Variants in DACH2 observed in about 807,000 individuals in gnomAD.
DACH2 encodes the protein dachshund family transcription factor 2, also known as dachshund homolog 2.
A neutral mutation model predicts 35.8 loss-of-function variants in DACH2; 17 were observed. The observed-to-expected ratio is 0.48, with a 90% CI of 0.33 to 0.71. The LOEUF (loss-of-function observed/expected upper bound fraction) is 0.71, where lower values mean the gene tolerates loss of function less well. Ranked by LOEUF, DACH2 falls within the 30% of genes least tolerant of loss-of-function variation. The probability of loss-of-function intolerance (pLI) is 0.02; values close to 1 mark genes in which losing one functional copy is unlikely to be tolerated. For missense variants in DACH2, 469 were observed against 472.7 expected (o/e 0.99, Z 0.07); for synonymous variants, 195 against 177.3 (o/e 1.10, Z -0.79).
chrX:86,220,789 TCCA>T (rs2032692670), intron 1 of DACH2, among the ~76,000 whole-genome samples: 2 of 112,005 alleles, frequency 1.8e-5, no homozygotes, highest in African/African-American at 6.5e-5. Flanking sequence ...TTGAAGAACC[TCCA>T]TACTGTTTTC....
At position 86,816,161 on chromosome X, in the gene DACH2, G is replaced by A. The variant is rs185949498; in HGVS notation, c.1750+62G>A. ...AATATGTGACCCCTGGGGATGAGGT[G>A]GGGATGAGGTGGGGATGAGCTTCTG... On this transcript the variant is annotated intron_variant, in intron 11 of 11. Coordinates refer to ENST00000373125, the MANE Select transcript of DACH2 (RefSeq NM_053281.3). 37 of 783,203 alleles carry A rather than the reference G, an allele frequency of 4.7e-5. No homozygotes were observed. In the African/African-American group the frequency reaches 7.3e-4, roughly 16 times the overall value. The allele number at this position is 783,203 out of a possible 1,213,427, so 64.5% of individuals were successfully genotyped here.
intron 2 of DACH2, among the ~76,000 whole-genome samples, chrX:86,474,258 G>A (rs1239539838): frequency 9.0e-6 from 1 of 111,681 alleles, no homozygotes; most frequent in Non-Finnish European, 1.9e-5. Context: ...ATATATTCTT[G>A]TTATTAATCC....
intron 1 of DACH2, chrX:86,305,175 T>C (rs1438650512): frequency 7.9e-6 from 1 of 126,756 alleles, no homozygotes; most frequent in Admixed American, 8.5e-5. Context: ...TCTATATCTC[T>C]CCTTCTGTAC....
intron 1 of DACH2, among the ~76,000 whole-genome samples, chrX:86,242,926 C>T (rs2147943593): frequency 9.0e-6 from 1 of 111,422 alleles, no homozygotes; most frequent in Admixed American, 9.5e-5. Flanking sequence ...TTTTCTGAGG[C>T]CTCATAGCCA....
intron 7 of DACH2, among the ~76,000 whole-genome samples, chrX:86,772,963 G>A (rs112278400): frequency 9.0e-6 from 1 of 111,444 alleles, no homozygotes; most frequent in African/African-American, 3.3e-5. Context: ...ATTCAATCAG[G>A]TGCTTCCGTG....
intron 1 of DACH2, among the ~76,000 whole-genome samples, chrX:86,224,861 T>A: frequency 9.0e-6 from 1 of 111,115 alleles, no homozygotes; most frequent in Non-Finnish European, 1.9e-5. Flanking sequence ...TGCTTTGTTG[T>A]TTCTAATGCA....
intron 1 of DACH2, among the ~76,000 whole-genome samples, chrX:86,326,129 G>T (rs192016827): frequency 2.7e-5 from 3 of 111,411 alleles, no homozygotes; most frequent in Non-Finnish European, 5.6e-5. Context: ...AGAATACAAT[G>T]CAAATGGCAC....
intron 1 of DACH2, among the ~76,000 whole-genome samples, chrX:86,242,774 C>T (rs2033194512): frequency 9.0e-6 from 1 of 111,336 alleles, no homozygotes; most frequent in Non-Finnish European, 1.9e-5. Flanking sequence ...GGATGGGTTT[C>T]TCCCTAGTTG....
chrX:86,178,543 A>G (rs2031377947), intron 1 of DACH2, among the ~76,000 whole-genome samples: 1 of 111,063 alleles, frequency 9.0e-6, no homozygotes, highest in Admixed American at 9.7e-5. Flanking sequence ...GGAAGTGTTC[A>G]TATTTTAAGA....
chrX:86,569,957 A>T (rs2039343892), intron 3 of DACH2, among the ~76,000 whole-genome samples: 1 of 111,968 alleles, frequency 8.9e-6, no homozygotes, highest in Non-Finnish European at 1.9e-5. Context: ...TCAAAAGAAG[A>T]CATTTATGTG....
chrX:86,605,770 T>C (rs1602692718), intron 3 of DACH2, among the ~76,000 whole-genome samples: 1 of 110,986 alleles, frequency 9.0e-6, no homozygotes, highest in South Asian at 3.7e-4. Flanking sequence ...TTTCAATCTT[T>C]TTTTGTCTTT....
At chrX:86,563,991 T>G (rs1310764014) in intron 3 of DACH2, among the ~76,000 whole-genome samples, 1 of 111,022 alleles carries the variant, frequency 9.0e-6, no homozygotes, top group Admixed American at 9.7e-5. Flanking sequence ...TTTTCTCACT[T>G]AACCCTTCAT....
intron 6 of DACH2, among the ~76,000 whole-genome samples, chrX:86,721,674 C>T (rs147549128): frequency 6.3e-4 from 70 of 111,627 alleles, no homozygotes; most frequent in African/African-American, 2.2e-3. Context: ...GGTATGTTTA[C>T]AGCAGTGCCG....
chrX:86,532,481 G>GCTCTCTCT (rs199608577), intron 3 of DACH2, among the ~76,000 whole-genome samples: 4 of 102,739 alleles, frequency 3.9e-5, no homozygotes, highest in African/African-American at 1.1e-4. Flanking sequence ...TTGAAGTATA[G>GCTCTCTCT]CTCTCTCTCT....
intron 3 of DACH2, among the ~76,000 whole-genome samples, chrX:86,557,655 C>G (rs1180998992): frequency 7.0e-5 from 4 of 56,844 alleles, no homozygotes; most frequent in Admixed American, 4.5e-4. Flanking sequence ...AGAGGTCCTT[C>G]ACATCCCTTG....
At chrX:86,263,323 A>G (rs1158516685) in intron 1 of DACH2, among the ~76,000 whole-genome samples, 1 of 111,674 alleles carries the variant, frequency 9.0e-6, no homozygotes, top group Non-Finnish European at 1.9e-5. Context: ...CGGCATTAGA[A>G]GAATAGCATT....
intron 6 of DACH2, among the ~76,000 whole-genome samples, chrX:86,723,412 T>C (rs2041430970): frequency 9.1e-6 from 1 of 109,772 alleles, no homozygotes; most frequent in Non-Finnish European, 1.9e-5. Context: ...GCTTTCTACA[T>C]GTTTGAAGTA....
chrX:86,745,888 G>A (rs2041707026), intron 7 of DACH2, among the ~76,000 whole-genome samples: 1 of 110,886 alleles, frequency 9.0e-6, no homozygotes, highest in Non-Finnish European at 1.9e-5. Flanking sequence ...CCACAACCTT[G>A]CCATCATCTG....
intron 1 of DACH2, among the ~76,000 whole-genome samples, chrX:86,358,434 CACACA>C (rs1569362118): frequency 1.5e-4 from 2 of 13,478 alleles, no homozygotes; most frequent in African/African-American, 6.2e-4. Flanking sequence ...AGCCCCGCCA[CACACA>C]CACACACACA....
Sources: gnomAD v4.1 joint callset for allele counts (sites outside exome capture counted in the v4.1 genomes callset) on GRCh38, gnomAD v4.1.1 for gene constraint, MANE v1.5 for transcripts, NCBI Gene and HGNC (gene_info 2026-07-23, HGNC 2026-07-21) for gene names.